Variants in SHISA9 observed in about 807,000 individuals in gnomAD.
SHISA9 encodes shisa family member 9, also known as protein shisa-9.
A neutral mutation model predicts 38.0 loss-of-function variants in SHISA9; 13 were observed. That is an observed-to-expected ratio of 0.34 (90% CI 0.22 to 0.54). SHISA9 has a LOEUF of 0.54. Among genes scored for constraint, SHISA9 ranks in the 20% least tolerant of loss-of-function variants. SHISA9 has a pLI of 0.91. For missense variants in SHISA9, 538 were observed against 575.8 expected (o/e 0.93, Z 0.67); for synonymous variants, 275 against 242.0 (o/e 1.14, Z -1.27).
At chr16:13,493,390 G>A in the SHISA9 span, among the ~76,000 whole-genome samples, 2 of 152,178 alleles carry the variant, frequency 1.3e-5, no homozygotes, top group Middle Eastern at 3.2e-3. Flanking sequence ...GATTGCAATA[G>A]CACTGGCCAG....
intron 2 of SHISA9, among the ~76,000 whole-genome samples, chr16:13,146,607 A>G (rs2050449508): frequency 6.6e-6 from 1 of 152,212 alleles, no homozygotes; most frequent in Admixed American, 6.5e-5. Flanking sequence ...TTTAAAGCCA[A>G]CATTTATTGA....
chr16:12,914,627 C>T (rs1036583083), intron 1 of SHISA9, among the ~76,000 whole-genome samples: 1 of 152,118 alleles, frequency 6.6e-6, no homozygotes, highest in African/African-American at 2.4e-5. Flanking sequence ...GAAGCATGTG[C>T]ACTAGTCCAC....
the SHISA9 span, among the ~76,000 whole-genome samples, chr16:13,451,919 A>C: frequency 1.3e-5 from 2 of 152,146 alleles, no homozygotes; most frequent in Non-Finnish European, 2.9e-5. Flanking sequence ...AAATTCATTC[A>C]CCTGGCTTCA....
the SHISA9 span, among the ~76,000 whole-genome samples, chr16:13,553,298 AT>A: frequency 2.6e-5 from 4 of 152,122 alleles, no homozygotes; most frequent in Admixed American, 2.0e-4. Flanking sequence ...GATGACACAT[AT>A]TTTTCCACCA....
At chr16:13,261,780 T>C in the SHISA9 span, among the ~76,000 whole-genome samples, 1 of 152,184 alleles carries the variant, frequency 6.6e-6, no homozygotes, top group Non-Finnish European at 1.5e-5. Context: ...TATGGGCTGG[T>C]GATCATGGTT....
At chr16:13,532,858 C>T in the SHISA9 span, among the ~76,000 whole-genome samples, 2 of 152,118 alleles carry the variant, frequency 1.3e-5, no homozygotes, top group African/African-American at 2.4e-5. Flanking sequence ...CTGTCCCCTG[C>T]TATTCCTGTC....
the SHISA9 span, among the ~76,000 whole-genome samples, chr16:13,408,662 G>A: frequency 6.6e-6 from 1 of 152,172 alleles, no homozygotes; most frequent in East Asian, 1.9e-4. Context: ...TCATATATGA[G>A]TTGTATACTT....
At chr16:13,247,358 C>T in the SHISA9 span, among the ~76,000 whole-genome samples, 55 of 152,258 alleles carry the variant, frequency 3.6e-4, no homozygotes, top group African/African-American at 1.0e-3. Context: ...ATGCTAGGAC[C>T]TTTACATACC....
chr16:13,500,054 C>T, the SHISA9 span, among the ~76,000 whole-genome samples: 1 of 152,144 alleles, frequency 6.6e-6, no homozygotes, highest in Admixed American at 6.5e-5. Context: ...GTGTCCCCAC[C>T]CAAATCTCAT....
At position 12,976,580 on chromosome 16, in the gene SHISA9, A is replaced by C. The variant is rs1445081296; in HGVS notation, c.691+59765A>C. Among the ~76,000 whole-genome samples the C allele has an allele frequency of 4.6e-5, 7 of 152,216 alleles. No individual in the cohort carries two copies. In the East Asian group the frequency reaches 1.3e-3, roughly 29 times the overall value. On this transcript the variant is annotated intron_variant, in intron 2 of 4. Coordinates refer to ENST00000558583, the MANE Select transcript of SHISA9 (RefSeq NM_001145204.3). ...AAGACACTGAATTCCTCTGAAATTC[A>C]GTTACTCTAGATATTCAGGCTGAAG...
At chr16:13,118,340 T>C (rs187221134) in intron 2 of SHISA9, among the ~76,000 whole-genome samples, 1 of 152,288 alleles carries the variant, frequency 6.6e-6, no homozygotes, top group East Asian at 1.9e-4. Context: ...GAATACTTCC[T>C]GGAGCTTTTC....
intron 2 of SHISA9, among the ~76,000 whole-genome samples, chr16:12,968,700 A>G (rs1311519657): frequency 6.6e-6 from 1 of 152,190 alleles, no homozygotes; most frequent in East Asian, 1.9e-4. Flanking sequence ...GTTCTGGAAA[A>G]GGTCATCTGC....
intron 2 of SHISA9, among the ~76,000 whole-genome samples, chr16:12,955,517 CAAA>C (rs5815730): frequency 0.19 from 28,001 of 149,100 alleles, 3,203 homozygotes; most frequent in Middle Eastern, 0.32. Flanking sequence ...TATTATAGGC[CAAA>C]AAAAAAAATG....
In SHISA9 at chr16:13,236,522, A is replaced by G. The variant is rs1365713623; in HGVS notation, c.*1113A>G. 1 of 152,228 alleles carries G rather than the reference A, an allele frequency of 6.6e-6. No homozygotes were observed. Among genetic ancestry groups the G allele is most frequent in the Non-Finnish European group, 1.5e-5 (1 of 68,044 alleles). 9.4% of individuals were successfully genotyped at this position (152,228 alleles called of 1,614,324 possible). Reference sequence around the variant, plus strand: ...TTGCCGCCGCCGCTGCCAAACTTCAACTGCTTTGGACTGAAAATGTCATAA... The same window carrying G: ...TTGCCGCCGCCGCTGCCAAACTTCAGCTGCTTTGGACTGAAAATGTCATAA... On this transcript the variant is annotated 3_prime_UTR_variant, in exon 5 of 5. Coordinates refer to ENST00000558583, the MANE Select transcript of SHISA9 (RefSeq NM_001145204.3).
At chr16:13,534,383 C>A in the SHISA9 span, among the ~76,000 whole-genome samples, 1 of 151,964 alleles carries the variant, frequency 6.6e-6, no homozygotes, top group Non-Finnish European at 1.5e-5. Flanking sequence ...TGCCACCATA[C>A]CTGGCTAATT....
chr16:13,535,389 G>A, the SHISA9 span, among the ~76,000 whole-genome samples: 1 of 152,162 alleles, frequency 6.6e-6, no homozygotes, highest in East Asian at 1.9e-4. Flanking sequence ...CCCACTCCAT[G>A]TGCAAAATAT....
At chr16:13,425,931 T>A in the SHISA9 span, among the ~76,000 whole-genome samples, 1 of 152,140 alleles carries the variant, frequency 6.6e-6, no homozygotes, top group African/African-American at 2.4e-5. Flanking sequence ...CTAGATGGAG[T>A]TCTTGGGGGC....
At chr16:13,448,374 C>T in the SHISA9 span, among the ~76,000 whole-genome samples, 2 of 152,202 alleles carry the variant, frequency 1.3e-5, no homozygotes, top group East Asian at 3.9e-4. Flanking sequence ...TGGCCCTGAT[C>T]ATTATGCCTC....
At chr16:13,364,021 T>C in the SHISA9 span, among the ~76,000 whole-genome samples, 1 of 152,158 alleles carries the variant, frequency 6.6e-6, no homozygotes, top group Non-Finnish European at 1.5e-5. Flanking sequence ...ACACCCAAGT[T>C]TGAGGGTCAC....
Sources: gnomAD v4.1 joint callset for allele counts (sites outside exome capture counted in the v4.1 genomes callset) on GRCh38, gnomAD v4.1.1 for gene constraint, MANE v1.5 for transcripts, NCBI Gene and HGNC (gene_info 2026-07-23, HGNC 2026-07-21) for gene names.